The following SLC25A12 variants were observed in gnomAD, a reference collection of about 807,000 sequenced individuals.
The protein encoded by SLC25A12 is solute carrier family 25 member 12, also known as electrogenic aspartate/glutamate antiporter SLC25A12, mitochondrial.
A neutral mutation model predicts 83.3 loss-of-function variants in SLC25A12; 32 were observed. The ratio of observed to expected loss-of-function variants is 0.38; its 90% CI spans 0.29 to 0.52. The LOEUF is 0.52. SLC25A12 is among the 20% of genes least tolerant of loss of function. The pLI, the probability that SLC25A12 is intolerant of heterozygous loss-of-function variation, is 0.84. For synonymous variants in SLC25A12, 267 were observed against 291.1 expected (o/e 0.92, Z 0.84); for missense variants, 611 against 835.6 (o/e 0.73, Z 3.31).
chr2:171,876,779 C>G (rs1239204800), intron 2 of SLC25A12, among the ~76,000 whole-genome samples: 1 of 152,108 alleles, frequency 6.6e-6, no homozygotes, highest in African/African-American at 2.4e-5. Flanking sequence ...ACTAAAATGA[C>G]TTTAGATGAA....
intron 4 of SLC25A12, among the ~76,000 whole-genome samples, chr2:171,850,102 C>A (rs1684892014): frequency 6.6e-6 from 1 of 151,850 alleles, no homozygotes; most frequent in Admixed American, 6.6e-5. Context: ...CCATGCCTGG[C>A]CGCCATAGAA....
intron 3 of SLC25A12, among the ~76,000 whole-genome samples, chr2:171,868,311 A>ATTTTTTTTTTTTT (rs71013084): frequency 7.7e-6 from 1 of 129,520 alleles, no homozygotes; most frequent in Non-Finnish European, 1.6e-5. Flanking sequence ...GGGTTTTTTA[A>ATTTTTTTTTTTTT]TTTTTTTTTT....
At chr2:171,882,796 T>C (rs940555661) in intron 2 of SLC25A12, among the ~76,000 whole-genome samples, 2 of 151,712 alleles carry the variant, frequency 1.3e-5, no homozygotes, top group African/African-American at 4.8e-5. Flanking sequence ...AACAGGGAGG[T>C]GGTGATTTTA....
At chr2:171,873,016 G>A (rs1434977001) in intron 2 of SLC25A12, among the ~76,000 whole-genome samples, 1 of 152,196 alleles carries the variant, frequency 6.6e-6, no homozygotes, top group East Asian at 1.9e-4. Flanking sequence ...TATTCTGCGA[G>A]CTGTGGGATA....
At chr2:171,844,723 T>C (rs1403179540) in intron 4 of SLC25A12, among the ~76,000 whole-genome samples, 1 of 152,204 alleles carries the variant, frequency 6.6e-6, no homozygotes, top group Non-Finnish European at 1.5e-5. Flanking sequence ...TATGTACCAT[T>C]GCATATAAGG....
At chr2:171,887,524 T>C (rs1416075142) in intron 2 of SLC25A12, among the ~76,000 whole-genome samples, 1 of 152,212 alleles carries the variant, frequency 6.6e-6, no homozygotes, top group Non-Finnish European at 1.5e-5. Flanking sequence ...ATAAATCTAC[T>C]TTGCCACAAG....
chr2:171,840,385 CA>C (rs1355127872), intron 5 of SLC25A12, among the ~76,000 whole-genome samples: 25 of 137,728 alleles, frequency 1.8e-4, no homozygotes, highest in Admixed American at 2.2e-4. Context: ...GACCCTGACT[CA>C]AAAAAAAAAG....
intron 2 of SLC25A12, among the ~76,000 whole-genome samples, chr2:171,878,251 C>G (rs867764578): frequency 3.9e-5 from 6 of 152,234 alleles, no homozygotes; most frequent in Middle Eastern, 3.4e-3. Flanking sequence ...GCCATTAACT[C>G]AAGAATTTTT....
chr2:171,796,012 A>T (rs890328697), intron 13 of SLC25A12, among the ~76,000 whole-genome samples: 5 of 152,116 alleles, frequency 3.3e-5, no homozygotes, highest in Admixed American at 6.5e-5. Flanking sequence ...AGTGGCAGGA[A>T]CAGCTCACTG....
intron 4 of SLC25A12, among the ~76,000 whole-genome samples, chr2:171,851,492 TAAAA>T (rs367909612): frequency 1.6e-5 from 2 of 126,858 alleles, no homozygotes; most frequent in Non-Finnish European, 1.7e-5. Flanking sequence ...CCTGGCCCCT[TAAAA>T]AAAAAAAAAA....
At chr2:171,835,319 T>A (rs1684532337) in intron 6 of SLC25A12, among the ~76,000 whole-genome samples, 1 of 152,200 alleles carries the variant, frequency 6.6e-6, no homozygotes, top group South Asian at 2.1e-4. Flanking sequence ...TTTAAGACAA[T>A]TTTATTACAT....
intron 15 of SLC25A12, among the ~76,000 whole-genome samples, chr2:171,790,599 C>T (rs541694533): frequency 6.3e-4 from 96 of 152,324 alleles, no homozygotes; most frequent in Admixed American, 9.1e-4. Flanking sequence ...ATTACTATTA[C>T]ACTGGCCACG....
At chr2:171,793,571 TG>T in intron 14 of SLC25A12, 55 bp downstream of exon 14, 1 of 1,557,258 alleles carries the variant, frequency 6.4e-7, no homozygotes, top group Non-Finnish European at 8.9e-7. Context: ...GGAAGAAGTC[TG>T]GTTTCCACAT....
chr2:171,830,607 G>C (rs977234157), intron 8 of SLC25A12, among the ~76,000 whole-genome samples: 1 of 152,076 alleles, frequency 6.6e-6, no homozygotes, highest in South Asian at 2.1e-4. Context: ...TCCACCTCCC[G>C]GGTTCAAGCT....
intron 4 of SLC25A12, among the ~76,000 whole-genome samples, chr2:171,846,912 T>C (rs1365177279): frequency 6.6e-6 from 1 of 152,228 alleles, no homozygotes; most frequent in Admixed American, 6.5e-5. Context: ...AGATATCCTA[T>C]TTCATAAACT....
At chr2:171,886,600 C>G (rs1343958071) in intron 2 of SLC25A12, among the ~76,000 whole-genome samples, 1 of 151,952 alleles carries the variant, frequency 6.6e-6, no homozygotes, top group East Asian at 1.9e-4. Flanking sequence ...ACCTCAGCCT[C>G]CCAGGTTCAC....
chr2:171,859,222 C>G (rs577769158), intron 3 of SLC25A12, among the ~76,000 whole-genome samples: 16 of 152,308 alleles, frequency 1.1e-4, no homozygotes, highest in African/African-American at 3.4e-4. Context: ...TCCCTCAATA[C>G]TCAGTTACCT....
At position 171,785,408 on chromosome 2, in the gene SLC25A12, G is replaced by A. The variant is rs952197382; in HGVS notation, c.1903C>T (p.His635Tyr). The A allele has an allele frequency of 1.9e-6, 3 of 1,614,202 alleles. No individual in the cohort carries two copies. In the East Asian group the frequency reaches 6.7e-5, roughly 36 times the overall value. ...GTGGCGAGTCTGTATCCACCGATGT[G>A]ATCAGGGTTGGCAGGAGGAAGGTCT... is the stretch of plus-strand genomic sequence containing the variant. Reference protein sequence around the residue: ...IADLPPANPDHIGGYRLATAT... With the variant: ...IADLPPANPDYIGGYRLATAT... The change falls in exon 18 of 18, where the codon CAC becomes TAC. Residue 635 changes from histidine to tyrosine, a missense_variant. His to Tyr is a moderately conservative substitution (Grantham distance 83). Around this residue, in one of 3 missense-constraint regions of SLC25A12, gnomAD observed 540 missense variants for 777.5 expected, o/e 0.69. Transcript: ENST00000422440.
intron 5 of SLC25A12, among the ~76,000 whole-genome samples, chr2:171,842,642 C>A (rs952253729): frequency 7.9e-5 from 12 of 151,904 alleles, no homozygotes; most frequent in Non-Finnish European, 1.3e-4. Flanking sequence ...TATTAAATAT[C>A]CATAATAGGT....
Sources: gnomAD v4.1 joint callset for allele counts (sites outside exome capture counted in the v4.1 genomes callset) on GRCh38, gnomAD v4.1.1 for gene constraint, gnomAD v4.1.1 regional missense constraint, MANE v1.5 for transcripts, NCBI Gene and HGNC (gene_info 2026-07-23, HGNC 2026-07-21) for gene names.